Variants in ZFHX3 observed in about 807,000 individuals in gnomAD.
ZFHX3 encodes zinc finger homeobox 3.
A neutral mutation model predicts 279.1 loss-of-function variants in ZFHX3; 42 were observed. The observed-to-expected ratio is 0.15, with a 90% CI of 0.12 to 0.19. The LOEUF (loss-of-function observed/expected upper bound fraction) is 0.19, where lower values mean the gene tolerates loss of function less well. Among genes scored for constraint, ZFHX3 ranks in the 10% least tolerant of loss-of-function variants. The probability of loss-of-function intolerance (pLI) is 1.00; values close to 1 mark genes in which losing one functional copy is unlikely to be tolerated. For missense variants in ZFHX3, 4,981 were observed against 4,754.0 expected, an observed-to-expected ratio of 1.05 and a Z score of -1.40; for synonymous variants, 2,293 against 1,957.8, an observed-to-expected ratio of 1.17 and a Z score of -4.52.
At chr16:73,770,193 T>C (rs1271547452) in intron 1 of ZFHX3, among the ~76,000 whole-genome samples, 1 of 152,146 alleles carries the variant, frequency 6.6e-6, no homozygotes, top group Non-Finnish European at 1.5e-5. Flanking sequence ...GCCCATAAAG[T>C]GGAGTAGGGT....
At chr16:73,632,814 C>G (rs548434743) in intron 2 of ZFHX3, among the ~76,000 whole-genome samples, 1 of 152,242 alleles carries the variant, frequency 6.6e-6, no homozygotes, top group East Asian at 1.9e-4. Flanking sequence ...CGGTGGCTTA[C>G]GCCTGTAATC....
rs1242057140 is a variant in ZFHX3, at chr16:73,649,524, C to G, written c.-1547+30656G>C. Among the ~76,000 whole-genome samples, 4 of 152,220 alleles carry G rather than the reference C, an allele frequency of 2.6e-5. No individual in the cohort carries two copies. The East Asian group carries it at 5.8e-4, about 22-fold the overall frequency. On this transcript the variant is annotated intron_variant, in intron 2 of 17. Coordinates refer to the ZFHX3 transcript ENST00000641206. ...GGTAAGATTATAGGTATTCTCTGGT[C>G]TCTTGGTTTTGCTTATTTATATATC...
At chr16:73,688,932 G>T (rs937768098) in intron 1 of ZFHX3, among the ~76,000 whole-genome samples, 1 of 152,150 alleles carries the variant, frequency 6.6e-6, no homozygotes, top group African/African-American at 2.4e-5. Flanking sequence ...CTTCCACCAT[G>T]ATTGTGAGGC....
intron 1 of ZFHX3, among the ~76,000 whole-genome samples, chr16:72,966,879 G>A (rs1180989132): frequency 3.9e-5 from 6 of 152,210 alleles, no homozygotes; most frequent in Non-Finnish European, 8.8e-5. Context: ...GTTCCCAAAT[G>A]GAATGTTTAT....
intron 4 of ZFHX3, among the ~76,000 whole-genome samples, chr16:73,313,796 AT>A (rs1431061343): frequency 6.6e-6 from 1 of 152,158 alleles, no homozygotes; most frequent in East Asian, 1.9e-4. Flanking sequence ...GTGGTTTTGG[AT>A]GAGATTAACA....
chr16:73,509,380 C>G (rs2019383370), intron 2 of ZFHX3, among the ~76,000 whole-genome samples: 1 of 152,004 alleles, frequency 6.6e-6, no homozygotes, highest in African/African-American at 2.4e-5. Flanking sequence ...ATCCATCAGC[C>G]AGGCCCTTCG....
intron 8 of ZFHX3, among the ~76,000 whole-genome samples, chr16:73,065,455 A>AG (rs1965736114): frequency 6.6e-6 from 1 of 151,042 alleles, no homozygotes; most frequent in Non-Finnish European, 1.5e-5. Context: ...AATAAACGTG[A>AG]GGGTTTTTTT....
chr16:72,950,670 T>C lies in ZFHX3; in HGVS notation c.3015A>G (p.Thr1005=). 1 of 1,614,228 alleles carries C rather than the reference T, an allele frequency of 6.2e-7. No individual in the cohort carries two copies. Among genetic ancestry groups the C allele is most frequent in the South Asian group, 1.1e-5 (1 of 91,090 alleles). ...GCTGGTACTTCTGCACGTGCTTGTC[T>C]GTCTTGCAGTGCAGCTGGAAGTTGG... is the stretch of plus-strand genomic sequence containing the variant. ...LKANFQLHCK[T]DKHVQKYQLV... is the part of the protein sequence containing the mutation. Residue 1005 remains threonine (T), a synonymous_variant, in exon 3 of 10, where the codon ACA becomes ACG. Transcript: ENST00000268489.
chr16:73,576,392 C>T (rs1297338552), intron 2 of ZFHX3, among the ~76,000 whole-genome samples: 3 of 152,092 alleles, frequency 2.0e-5, no homozygotes, highest in African/African-American at 7.2e-5. Context: ...ATATTTACCC[C>T]GGGCACACTC....
At chr16:73,596,479 C>T (rs2052051739) in intron 2 of ZFHX3, among the ~76,000 whole-genome samples, 1 of 152,116 alleles carries the variant, frequency 6.6e-6, no homozygotes. Flanking sequence ...CCTCACTGTG[C>T]TGGTCATCCC....
At position 72,788,410 on chromosome 16, in the gene ZFHX3, T is replaced by C. The variant is rs576869695; in HGVS notation, c.9866A>G (p.Gln3289Arg). Residue 3289 changes from glutamine to arginine, a missense_variant, in exon 10 of 10, where the codon CAG becomes CGG. Transcript: ENST00000268489. ...CGAAGTCAACGCGGCCTGCAGGGCC[T>C]GCAGCTGTGCAGGGTCTACCGCATA... ...MEYAVDPAQLQALQAALTSDP... is the reference protein window; with the variant it reads ...MEYAVDPAQLRALQAALTSDP... 2.8e-5 allele frequency: 45 copies of C among 1,614,236 alleles called. No homozygotes were observed. In the Admixed American group the frequency reaches 5.5e-4, roughly 20 times the overall value.
At chr16:73,423,212 T>G (rs926839273) in intron 3 of ZFHX3, among the ~76,000 whole-genome samples, 5 of 141,300 alleles carry the variant, frequency 3.5e-5, no homozygotes, top group Non-Finnish European at 7.6e-5. Flanking sequence ...AACACCACCC[T>G]TTGTTATTCA....
intron 1 of ZFHX3, among the ~76,000 whole-genome samples, chr16:72,998,891 G>A (rs1052220068): frequency 6.6e-6 from 1 of 152,080 alleles, no homozygotes; most frequent in African/African-American, 2.4e-5. Flanking sequence ...GTCTCTCTGG[G>A]GCTTGTCCAC....
intron 3 of ZFHX3, among the ~76,000 whole-genome samples, chr16:72,910,542 C>T (rs892147400): frequency 2.6e-5 from 4 of 152,144 alleles, no homozygotes; most frequent in African/African-American, 9.7e-5. Context: ...TTGGCCATTA[C>T]ACAGCTCAAA....
At chr16:73,110,285 A>G (rs1966356756) in intron 7 of ZFHX3, among the ~76,000 whole-genome samples, 1 of 152,180 alleles carries the variant, frequency 6.6e-6, no homozygotes, top group South Asian at 2.1e-4. Flanking sequence ...TTGTGCAAGT[A>G]TCTCAGTAAG....
At chr16:73,223,929 A>G (rs1475804748) in intron 5 of ZFHX3, among the ~76,000 whole-genome samples, 1 of 152,228 alleles carries the variant, frequency 6.6e-6, no homozygotes, top group East Asian at 1.9e-4. Flanking sequence ...CAGTCTGAAA[A>G]GACTACATAT....
intron 3 of ZFHX3, among the ~76,000 whole-genome samples, chr16:72,896,381 T>G (rs1181835093): frequency 4.6e-5 from 7 of 152,174 alleles, no homozygotes; most frequent in Admixed American, 3.3e-4. Flanking sequence ...TCTCTGTGCC[T>G]TCCCTTCTAG....
At chr16:72,926,922 C>T (rs1340305254) in intron 3 of ZFHX3, among the ~76,000 whole-genome samples, 1 of 152,158 alleles carries the variant, frequency 6.6e-6, no homozygotes, top group East Asian at 1.9e-4. Context: ...GAAGCCAGCT[C>T]CCCCAGGTTT....
chr16:72,925,153 C>G (rs1231662082), intron 3 of ZFHX3, among the ~76,000 whole-genome samples: 4 of 152,216 alleles, frequency 2.6e-5, no homozygotes, highest in African/African-American at 9.7e-5. Flanking sequence ...GGGGCTGGAG[C>G]AAGCTGGAAT....
Sources: gnomAD v4.1 joint callset for allele counts (sites outside exome capture counted in the v4.1 genomes callset) on GRCh38, gnomAD v4.1.1 for gene constraint, MANE v1.5 for transcripts, NCBI Gene and HGNC (gene_info 2026-07-23, HGNC 2026-07-21) for gene names.